The following AMN1 variants were observed in gnomAD, a reference collection of about 807,000 sequenced individuals.
AMN1 encodes antagonist of mitotic exit network 1 homolog, also known as protein AMN1 homolog.
In AMN1, 20 loss-of-function variants were observed where a neutral mutation model predicts 33.0. The ratio of observed to expected loss-of-function variants is 0.61; its 90% CI spans 0.43 to 0.88. The LOEUF (loss-of-function observed/expected upper bound fraction) is 0.88. AMN1 is among the 40% of genes least tolerant of loss of function. The pLI, the probability that AMN1 is intolerant of heterozygous loss-of-function variation, is 0.00. For synonymous variants in AMN1, 114 were observed against 111.9 expected (o/e 1.02, Z -0.12); for missense variants, 246 against 307.4 (o/e 0.80, Z 1.49).
chr12:31,711,546 C>T (rs1169486997), intron 1 of AMN1, among the ~76,000 whole-genome samples: 4 of 152,164 alleles, frequency 2.6e-5, no homozygotes, highest in Admixed American at 2.6e-4. Context: ...TTTCCATAAA[C>T]AATCTATACA....
chr12:31,707,816 G>A (rs184769801), intron 2 of AMN1, among the ~76,000 whole-genome samples: 192 of 152,262 alleles, frequency 1.3e-3, no homozygotes, highest in African/African-American at 4.4e-3. Context: ...TACATGTTGC[G>A]GGAAGTCAGG....
intron 5 of AMN1, among the ~76,000 whole-genome samples, chr12:31,694,128 G>T (rs1389828403): frequency 6.7e-6 from 1 of 148,626 alleles, no homozygotes; most frequent in Non-Finnish European, 1.5e-5. Context: ...CATTACCTAT[G>T]AGAGTAGTTA....
chr12:31,728,274 AT>A (rs1940162745), intron 1 of AMN1, among the ~76,000 whole-genome samples: 1 of 152,172 alleles, frequency 6.6e-6, no homozygotes, highest in Non-Finnish European at 1.5e-5. Flanking sequence ...TGTAACTTCC[AT>A]TTCCGTACAA....
intron 1 of AMN1, among the ~76,000 whole-genome samples, chr12:31,716,583 ATC>A (rs1295419356): frequency 1.3e-5 from 2 of 152,168 alleles, no homozygotes; most frequent in Non-Finnish European, 2.9e-5. Flanking sequence ...TTAAATTGCA[ATC>A]TCTGATTAAT....
intron 5 of AMN1, among the ~76,000 whole-genome samples, chr12:31,690,149 C>T (rs531653072): frequency 1.3e-5 from 2 of 152,278 alleles, no homozygotes; most frequent in African/African-American, 2.4e-5. Context: ...TTTCTGTATC[C>T]ACTCGTTGAT....
At chr12:31,702,723 CATTAT>C (rs1939060978) in intron 2 of AMN1, among the ~76,000 whole-genome samples, 1 of 151,928 alleles carries the variant, frequency 6.6e-6, no homozygotes, top group South Asian at 2.1e-4. Flanking sequence ...CTGTCATATA[CATTAT>C]ATTATTTTTT....
intron 1 of AMN1, among the ~76,000 whole-genome samples, chr12:31,724,227 A>AT (rs1015385248): frequency 1.3e-5 from 2 of 152,260 alleles, no homozygotes; most frequent in Admixed American, 6.5e-5. Flanking sequence ...TAGAACAGTT[A>AT]TAACAACATC....
At chr12:31,701,814 C>T (rs1371180533) in intron 3 of AMN1, 49 bp downstream of exon 3, 6 of 1,476,552 alleles carry the variant, frequency 4.1e-6, no homozygotes, top group South Asian at 2.7e-5. Context: ...ACAATTTTAC[C>T]AGATAGTGAA....
intron 6 of AMN1, among the ~76,000 whole-genome samples, chr12:31,679,803 T>C (rs1309538668): frequency 5.3e-5 from 8 of 152,146 alleles, no homozygotes; most frequent in Non-Finnish European, 7.4e-5. Context: ...CTGATAATCA[T>C]TGAAGACCTA....
chr12:31,703,663 A>G (rs1453799715), intron 2 of AMN1, among the ~76,000 whole-genome samples: 2 of 152,154 alleles, frequency 1.3e-5, no homozygotes, highest in Admixed American at 1.3e-4. Flanking sequence ...ATGTTTTTTG[A>G]GTTTAAAAAA....
intron 1 of AMN1, among the ~76,000 whole-genome samples, chr12:31,718,589 G>A (rs1326114500): frequency 6.6e-6 from 1 of 152,144 alleles, no homozygotes; most frequent in African/African-American, 2.4e-5. Flanking sequence ...CTATGGATGG[G>A]GTTTTGGTGT....
intron 1 of AMN1, among the ~76,000 whole-genome samples, chr12:31,718,307 G>A (rs1408835725): frequency 2.6e-5 from 4 of 151,956 alleles, no homozygotes; most frequent in Admixed American, 2.0e-4. Context: ...CTAGTTAGCA[G>A]TTCCTGTAAC....
At chr12:31,701,555 C>T (rs930313602) in intron 3 of AMN1, among the ~76,000 whole-genome samples, 10 of 152,114 alleles carry the variant, frequency 6.6e-5, no homozygotes, top group East Asian at 1.9e-4. Context: ...AGCAGTCTGC[C>T]GGCCTCCCAG....
intron 1 of AMN1, chr12:31,715,365 G>A (rs949003975): frequency 4.6e-6 from 1 of 217,124 alleles, no homozygotes; most frequent in Admixed American, 4.2e-5. Flanking sequence ...TCATCACCAG[G>A]ATCTCTGGAT....
chr12:31,677,239 G>T (rs1189916801), intron 6 of AMN1, among the ~76,000 whole-genome samples: 1 of 152,194 alleles, frequency 6.6e-6, no homozygotes, highest in East Asian at 1.9e-4. Flanking sequence ...GGCGGAGCTT[G>T]CAGTGAGCCG....
intron 6 of AMN1, among the ~76,000 whole-genome samples, chr12:31,685,779 C>T (rs1278883554): frequency 3.4e-5 from 4 of 117,316 alleles, no homozygotes; most frequent in Admixed American, 1.2e-4. Context: ...CCAGCCTGGG[C>T]GACAGAGCAA....
intron 1 of AMN1, among the ~76,000 whole-genome samples, chr12:31,709,663 GAAAA>G (rs975089321): frequency 6.6e-6 from 1 of 151,542 alleles, no homozygotes; most frequent in African/African-American, 2.4e-5. Context: ...TACAAAAAAA[GAAAA>G]AAAATACAAA....
intron 1 of AMN1, 139 bp downstream of exon 1, chr12:31,728,832 G>A (rs1331802748): frequency 5.1e-6 from 5 of 987,304 alleles, no homozygotes; most frequent in Non-Finnish European, 7.2e-6. Context: ...GGAACCCAGG[G>A]ACAGAAACAC....
intron 2 of AMN1, among the ~76,000 whole-genome samples, chr12:31,705,693 T>A (rs1268695875): frequency 2.0e-5 from 3 of 152,178 alleles, no homozygotes; most frequent in African/African-American, 7.2e-5. Flanking sequence ...CCTTTCTTCA[T>A]GGTCCAGAAC....
Sources: gnomAD v4.1 joint callset for allele counts (sites outside exome capture counted in the v4.1 genomes callset) on GRCh38, gnomAD v4.1.1 for gene constraint, MANE v1.5 for transcripts, NCBI Gene and HGNC (gene_info 2026-07-23, HGNC 2026-07-21) for gene names.